The following HDC variants were observed in gnomAD, a reference collection of about 807,000 sequenced individuals.
HDC encodes the protein histidine decarboxylase.
In HDC, 27 loss-of-function variants were observed where a neutral mutation model predicts 64.4. The ratio of observed to expected loss-of-function variants is 0.42; its 90% CI spans 0.31 to 0.58. HDC has a LOEUF of 0.58. Ranked by LOEUF, HDC falls within the 20% of genes least tolerant of loss-of-function variation. The probability of loss-of-function intolerance (pLI) is 0.16; values close to 1 mark genes in which losing one functional copy is unlikely to be tolerated. For missense variants in HDC, 711 were observed against 833.9 expected (o/e 0.85, Z 1.81); for synonymous variants, 305 against 314.2 (o/e 0.97, Z 0.31).
intron 10 of HDC, chr15:50,244,612 C>G (rs1442317682): frequency 6.6e-6 from 1 of 152,224 alleles, no homozygotes; most frequent in African/African-American, 2.4e-5. Context: ...GGCCCTGAGC[C>G]TGTCTTTTGA....
rs1438645749 is a variant in HDC at position 50,242,135 on chromosome 15, T to C, written c.*125A>G. ...TCATGAACCCCTATGAGAATTTGAT[T>C]AAAATTATGAACTCGCCCCAAGAAA... On this transcript the variant is annotated 3_prime_UTR_variant, in exon 12 of 12. Transcript: ENST00000267845. 1 of 843,924 alleles carries C rather than the reference T, an allele frequency of 1.2e-6. No homozygotes were observed. Among genetic ancestry groups the C allele is most frequent in the African/African-American group, 1.7e-5 (1 of 59,388 alleles). The allele number at this position is 843,924 out of a possible 1,614,324, so 52.3% of individuals were successfully genotyped here.
rs201442392 is a variant in HDC, at chr15:50,265,578, A to G, written c.31+15T>C. The G allele has an allele frequency of 6.2e-7, 1 of 1,612,958 alleles. No individual in the cohort carries two copies. Among genetic ancestry groups the G allele is most frequent in the African/African-American group, 1.3e-5 (1 of 74,882 alleles). Reference sequence around the variant, plus strand: ...GTAGCAGCAGGGAAGAGGGCCAGGGATGCCCGTTGCTCACCTCTCTCTCTG... The same window carrying G: ...GTAGCAGCAGGGAAGAGGGCCAGGGGTGCCCGTTGCTCACCTCTCTCTCTG... On this transcript the variant is annotated intron_variant, in intron 1 of 11. Transcript: ENST00000267845.
In HDC at chr15:50,242,729, T is replaced by C; in HGVS notation, c.1520A>G (p.Gln507Arg). The C allele has an allele frequency of 6.2e-7, 1 of 1,614,046 alleles. No individual in the cohort carries two copies. The highest frequency in any genetic ancestry group is 8.5e-7 in the Non-Finnish European group (1 of 1,180,004). The change falls in exon 12 of 12, where the codon CAG (glutamine) becomes CGG (arginine). Residue 507 changes from glutamine to arginine, a missense_variant. Coordinates refer to ENST00000267845, the MANE Select transcript of HDC (RefSeq NM_002112.4). Reference sequence around the variant, plus strand: ...ATCATCTCCTGCCCCACTGACAGACTGAAGGGACGTTCCACAGGCCCAGGC... The same window carrying C: ...ATCATCTCCTGCCCCACTGACAGACCGAAGGGACGTTCCACAGGCCCAGGC... ...ARAWACGTSLQSVSGAGDDPV... is the reference protein window; with the variant it reads ...ARAWACGTSLRSVSGAGDDPV...
intron 1 of HDC, among the ~76,000 whole-genome samples, chr15:50,265,358 T>C (rs1261691982): frequency 6.6e-6 from 1 of 152,010 alleles, no homozygotes; most frequent in Non-Finnish European, 1.5e-5. Context: ...CACGGTAGTG[T>C]GGACATATGT....
chr15:50,260,023 CT>C (rs141659908), intron 2 of HDC, among the ~76,000 whole-genome samples: 4,369 of 142,526 alleles, frequency 0.031, 69 homozygotes, highest in African/African-American at 0.054. Flanking sequence ...GAGATTCATT[CT>C]TTTTTTTTTT....
At chr15:50,263,495 A>ACTT (rs2045731822) in intron 1 of HDC, 88 bp from the exon 2 acceptor site, 2 of 1,310,140 alleles carry the variant, frequency 1.5e-6, no homozygotes, top group East Asian at 4.9e-5. Context: ...GGGCCAAGAG[A>ACTT]CTTGGTAAAG....
At chr15:50,263,613 A>C (rs2045733309) in intron 1 of HDC, among the ~76,000 whole-genome samples, 1 of 152,142 alleles carries the variant, frequency 6.6e-6, no homozygotes, top group Non-Finnish European at 1.5e-5. Context: ...CATCCTGACT[A>C]ACATGGTCAA....
At chr15:50,264,767 C>T (rs928626697) in intron 1 of HDC, among the ~76,000 whole-genome samples, 3 of 152,202 alleles carry the variant, frequency 2.0e-5, no homozygotes, top group Non-Finnish European at 2.9e-5. Flanking sequence ...TAGATTTCCA[C>T]ACCATTCTAT....
intron 2 of HDC, among the ~76,000 whole-genome samples, chr15:50,260,449 G>T (rs1328962003): frequency 1.3e-5 from 2 of 152,118 alleles, no homozygotes; most frequent in Admixed American, 6.5e-5. Flanking sequence ...CTGTCTCCTA[G>T]GGTTGTTGTG....
intron 2 of HDC, among the ~76,000 whole-genome samples, chr15:50,261,623 C>CAA (rs11418562): frequency 0.036 from 3,404 of 94,774 alleles, 79 homozygotes; most frequent in Non-Finnish European, 0.046. Flanking sequence ...TCTATTGCTT[C>CAA]AAAAAAAAAA....
chr15:50,258,180 A>G (rs868788081), intron 3 of HDC, among the ~76,000 whole-genome samples: 1 of 152,296 alleles, frequency 6.6e-6, no homozygotes. Flanking sequence ...TAAGTTGCTT[A>G]AGCCTCGATT....
At chr15:50,250,735 T>C (rs910688887) in intron 9 of HDC, among the ~76,000 whole-genome samples, 33 of 152,224 alleles carry the variant, frequency 2.2e-4, no homozygotes, top group African/African-American at 8.0e-4. Flanking sequence ...TTCTGGAATT[T>C]TTTTAATTTT....
At chr15:50,246,886 C>T (rs1350053717) in intron 10 of HDC, among the ~76,000 whole-genome samples, 3 of 152,188 alleles carry the variant, frequency 2.0e-5, no homozygotes, top group African/African-American at 7.2e-5. Context: ...GTGGCAGCTG[C>T]TCATTGGTAA....
At chr15:50,254,732 AGT>A (rs777695983) in intron 4 of HDC, 68 bp from the exon 5 acceptor site, 2 of 1,406,220 alleles carry the variant, frequency 1.4e-6, no homozygotes, top group Non-Finnish European at 1.9e-6. Context: ...CAGGCTTTCT[AGT>A]TTTTTCTCTC....
Position 50,242,885 on chromosome 15 carries a change from G to A in HDC, c.1364C>T (p.Thr455Ile), listed in dbSNP as rs1165748684. 5.6e-6 allele frequency: 9 copies of A among 1,614,024 alleles called. No individual in the cohort carries two copies. Among genetic ancestry groups the A allele is most frequent in the Non-Finnish European group, 7.6e-6 (9 of 1,179,888 alleles). ...IIRFTVTSQF[T>I]TRDDILRDWN... ...GTCTCTCAGGATGTCATCCCTAGTG[G>A]TAAACTGGGATGTCACAGTGAAACG... The change falls in exon 12 of 12, where the codon ACC becomes ATC. Residue 455 changes from threonine (T) to isoleucine (I), a missense_variant. By Grantham distance (89) the Thr-to-Ile change is moderately conservative (BLOSUM62 -1). Transcript: ENST00000267845.
chr15:50,247,952 CTT>C (rs67926076), intron 10 of HDC, among the ~76,000 whole-genome samples: 23,028 of 152,140 alleles, frequency 0.15, 1,941 homozygotes, highest in African/African-American at 0.23. Flanking sequence ...TTCTCTTTCT[CTT>C]TCCTGCAAAC....
intron 3 of HDC, 66 bp downstream of exon 3, chr15:50,258,338 T>A (rs1595709945): frequency 5.9e-6 from 5 of 842,232 alleles, no homozygotes; most frequent in South Asian, 4.2e-5. Flanking sequence ...ACAAAATATG[T>A]CTGCCCTAGG....
At chr15:50,259,141 G>A (rs1403488164) in intron 2 of HDC, among the ~76,000 whole-genome samples, 3 of 151,418 alleles carry the variant, frequency 2.0e-5, no homozygotes, top group Non-Finnish European at 4.4e-5. Flanking sequence ...CAGCCTGGGC[G>A]ACAGAGCAAG....
rs1159008904 is a variant in HDC at position 50,244,287 on chromosome 15, T to C, written c.1141-1043A>G. Among the ~76,000 whole-genome samples the C allele has an allele frequency of 2.9e-5, 3 of 105,166 alleles. No individual in the cohort carries two copies. The East Asian group carries it at 7.5e-4, about 26-fold the overall frequency. 69.0% of individuals were successfully genotyped at this position (105,166 alleles called of 152,430 possible). A position where few individuals can be genotyped will look rare whatever the true frequency, so the allele number is the denominator to read the frequency against. ...GGGCAAGGGAGTTAGCTGAACCTCT[T>C]TTTTTTTTTTTTTTTTTTTTTTTTG... On this transcript the variant is annotated intron_variant, in intron 10 of 11. Coordinates refer to ENST00000267845, the MANE Select transcript of HDC (RefSeq NM_002112.4).
Sources: gnomAD v4.1 joint callset for allele counts (sites outside exome capture counted in the v4.1 genomes callset) on GRCh38, gnomAD v4.1.1 for gene constraint, MANE v1.5 for transcripts, NCBI Gene and HGNC (gene_info 2026-07-23, HGNC 2026-07-21) for gene names.